The following COL6A5 variants were observed in gnomAD, a reference collection of about 807,000 sequenced individuals.
COL6A5 encodes the protein collagen type VI alpha 5 chain.
A neutral mutation model predicts 65.6 loss-of-function variants in COL6A5; 48 were observed. The ratio of observed to expected loss-of-function variants is 0.73; its 90% CI spans 0.58 to 0.93. The LOEUF (loss-of-function observed/expected upper bound fraction) is 0.93. Among genes scored for constraint, COL6A5 ranks in the 40% least tolerant of loss-of-function variants. COL6A5 has a pLI of 0.00. For synonymous variants in COL6A5, 291 were observed against 322.8 expected, an observed-to-expected ratio of 0.90 and a Z score of 1.05; for missense variants, 914 against 928.3, an observed-to-expected ratio of 0.98 and a Z score of 0.20.
At chr3:130,368,400 CA>C (rs1364206261) in intron 1 of COL6A5, among the ~76,000 whole-genome samples, 3 of 152,180 alleles carry the variant, frequency 2.0e-5, no homozygotes, top group Non-Finnish European at 2.9e-5. Context: ...CTCAATCCAG[CA>C]AATACTTCTT....
intron 1 of COL6A5, among the ~76,000 whole-genome samples, chr3:130,433,779 G>C (rs375307589): frequency 4.6e-5 from 7 of 152,126 alleles, no homozygotes; most frequent in East Asian, 1.9e-4. Flanking sequence ...GTAAATAAGA[G>C]TTTCTTGTTG....
intron 25 of COL6A5, among the ~76,000 whole-genome samples, chr3:130,419,964 A>G (rs1318278432): frequency 2.0e-5 from 3 of 152,158 alleles, no homozygotes; most frequent in African/African-American, 7.2e-5. Context: ...ATTAGGGCAC[A>G]GCAAGTTTCT....
chr3:130,349,240 A>G (rs1035643834), intron 1 of COL6A5, among the ~76,000 whole-genome samples: 31 of 152,228 alleles, frequency 2.0e-4, no homozygotes, highest in African/African-American at 6.5e-4. Context: ...TTTGGAAAAT[A>G]ATAAGAAACA....
chr3:130,404,869 C>A (rs776951856), intron 13 of COL6A5, among the ~76,000 whole-genome samples: 8 of 152,236 alleles, frequency 5.3e-5, no homozygotes, highest in Non-Finnish European at 1.0e-4. Context: ...CTGTTATGCA[C>A]CTAGACATGA....
chr3:130,448,201 G>C lies in COL6A5; in HGVS notation c.1332+4635G>C, dbSNP rs1709350198. The stretch of plus-strand genomic sequence containing the variant: ...CACCACTCCACTAAATCATTATGTT[G>C]AACTATTAGTCCAGTAGGGGAGTGT... On this transcript the variant is annotated intron_variant, in intron 4 of 7. Transcript: ENST00000512836. 2.0e-5 allele frequency among the ~76,000 whole-genome samples: 3 copies of C among 152,102 alleles called. No individual in the cohort carries two copies. The South Asian group carries it at 6.2e-4, about 31-fold the overall frequency.
intron 1 of COL6A5, among the ~76,000 whole-genome samples, chr3:130,355,477 A>C (rs1934889801): frequency 1.3e-5 from 2 of 152,100 alleles, no homozygotes; most frequent in Admixed American, 1.3e-4. Flanking sequence ...ATGAATTTGG[A>C]AATAAAAGTT....
At chr3:130,449,442 T>C (rs1186386914) in intron 4 of COL6A5, among the ~76,000 whole-genome samples, 1 of 152,152 alleles carries the variant, frequency 6.6e-6, no homozygotes, top group Non-Finnish European at 1.5e-5. Context: ...ATTGGCATGA[T>C]ATAGGGCTGA....
upstream of COL6A5, among the ~76,000 whole-genome samples, chr3:130,428,771 T>C (rs1937669917): frequency 6.6e-6 from 1 of 152,126 alleles, no homozygotes. Flanking sequence ...CCAGGGGCCA[T>C]GGGGTTAAGA....
Position 130,416,744 on chromosome 3 carries a change from A to G in COL6A5, c.4825-13A>G, listed in dbSNP as rs1937351048. 1 of 1,404,452 alleles carries G rather than the reference A, an allele frequency of 7.1e-7. No homozygotes were observed. The highest frequency in any genetic ancestry group is 1.4e-5 in the African/African-American group (1 of 69,272). 87.0% of individuals were successfully genotyped at this position (1,404,452 alleles called of 1,614,324 possible). The stretch of plus-strand genomic sequence containing the variant: ...TACGGTGCCAACATTTTAGTCTCTA[A>G]TTTTTTTTTCAGGGTTCTCCTGGGC... On this transcript the variant is annotated splice_polypyrimidine_tract_variant and intron_variant and NMD_transcript_variant, in intron 23 of 41. Transcript: ENST00000312481.
intron 1 of COL6A5, 64 bp from the exon 34 acceptor site, chr3:130,439,458 A>G: frequency 8.4e-7 from 1 of 1,192,942 alleles, no homozygotes. Context: ...TAATCCTTAA[A>G]GTGGTTTCCT....
At chr3:130,439,807 G>C (rs921247726) in intron 2 of COL6A5, among the ~76,000 whole-genome samples, 192 bp downstream of exon 34, 2 of 151,862 alleles carry the variant, frequency 1.3e-5, no homozygotes, top group South Asian at 2.1e-4. Flanking sequence ...TGTGAAAATT[G>C]GTTTAGAAAA....
At chr3:130,401,902 T>C (rs1936831260) in intron 12 of COL6A5, 48 bp downstream of exon 12, 21 of 1,354,232 alleles carry the variant, frequency 1.6e-5, no homozygotes, top group Non-Finnish European at 2.2e-5. Flanking sequence ...CTTGATTTGG[T>C]ACAGGTGGGA....
At chr3:130,427,693 C>T (rs910818244), upstream of COL6A5, among the ~76,000 whole-genome samples, 2 of 152,022 alleles carry the variant, frequency 1.3e-5, no homozygotes, top group African/African-American at 2.4e-5. Flanking sequence ...CACATGGATG[C>T]ATGAGGTTTC....
intron 18 of COL6A5, 112 bp downstream of exon 18, chr3:130,409,500 TA>T: frequency 2.4e-6 from 2 of 849,630 alleles, no homozygotes; most frequent in South Asian, 4.2e-5. Flanking sequence ...GTCTTAGGAG[TA>T]GGGGTGATAG....
At chr3:130,360,630 G>C (rs1005156301) in intron 1 of COL6A5, among the ~76,000 whole-genome samples, 5 of 152,064 alleles carry the variant, frequency 3.3e-5, no homozygotes, top group Non-Finnish European at 7.4e-5. Flanking sequence ...AACATTGCTT[G>C]CTCATTGGGG....
At chr3:130,416,735 T>C (rs1047071652) in intron 23 of COL6A5, 22 bp from the exon 24 acceptor site, 2 of 1,441,400 alleles carry the variant, frequency 1.4e-6, no homozygotes, top group Admixed American at 4.2e-5. Flanking sequence ...GCCAACATTT[T>C]AGTCTCTAAT....
rs569545027 is a variant in COL6A5, at chr3:130,351,805, G to C, written c.-29+5824G>C. On this transcript the variant is annotated intron_variant and NMD_transcript_variant, in intron 1 of 41. Transcript: ENST00000312481. ...CATTTGACCCAGTGGTCTCTTTACTGGGTATATACCCAAAGGATTATAAAT... is the reference window on the plus strand; with the variant it reads ...CATTTGACCCAGTGGTCTCTTTACTCGGTATATACCCAAAGGATTATAAAT... Among the ~76,000 whole-genome samples the C allele has an allele frequency of 2.6e-5, 4 of 151,928 alleles. No homozygotes were observed. In the South Asian group the frequency reaches 8.3e-4, roughly 32 times the overall value.
intron 1 of COL6A5, among the ~76,000 whole-genome samples, chr3:130,432,924 C>T (rs1196093490): frequency 6.6e-6 from 1 of 152,188 alleles, no homozygotes; most frequent in African/African-American, 2.4e-5. Context: ...ACCTCTTCAT[C>T]TGTTCAACAA....
chr3:130,428,690 G>A (rs1474116746), upstream of COL6A5, among the ~76,000 whole-genome samples: 1 of 152,090 alleles, frequency 6.6e-6, no homozygotes, highest in Non-Finnish European at 1.5e-5. Context: ...CAGGAAAAAG[G>A]GGTCTGTTTT....
Sources: gnomAD v4.1 joint callset for allele counts (sites outside exome capture counted in the v4.1 genomes callset) on GRCh38, gnomAD v4.1.1 for gene constraint, MANE v1.5 for transcripts, NCBI Gene and HGNC (gene_info 2026-07-23, HGNC 2026-07-21) for gene names.